Variants in USB1 observed in about 807,000 individuals in gnomAD.
USB1 encodes U6 snRNA biogenesis phosphodiesterase 1.
Under a neutral mutation model 29.9 loss-of-function variants are expected in USB1, and 21 were observed. The observed-to-expected ratio is 0.70, with a 90% CI of 0.50 to 1.01. The LOEUF (loss-of-function observed/expected upper bound fraction) is 1.01. USB1 is among the 50% of genes least tolerant of loss of function. The probability of loss-of-function intolerance (pLI) is 0.00; values close to 1 mark genes in which losing one functional copy is unlikely to be tolerated. For synonymous variants in USB1, 143 were observed against 134.9 expected (o/e 1.06, Z -0.42); for missense variants, 330 against 347.1 (o/e 0.95, Z 0.39).
chr16:58,007,839 C>T (rs938012673), intron 2 of USB1, among the ~76,000 whole-genome samples: 1 of 152,014 alleles, frequency 6.6e-6, no homozygotes, highest in African/African-American at 2.4e-5. Context: ...AAAAATTAGC[C>T]ATGCTTGGTG....
chr16:58,005,555 T>C (rs1450282124), intron 2 of USB1, among the ~76,000 whole-genome samples: 1 of 152,198 alleles, frequency 6.6e-6, no homozygotes, highest in Non-Finnish European at 1.5e-5. Flanking sequence ...GTTATGATTA[T>C]AGAGCGAGGA....
intron 1 of USB1, among the ~76,000 whole-genome samples, chr16:58,001,883 C>G (rs954333718): frequency 6.6e-6 from 1 of 152,194 alleles, no homozygotes; most frequent in East Asian, 1.9e-4. Context: ...GGTCCGTTTC[C>G]TGATTTGAAT....
At chr16:58,005,682 A>C (rs139830057) in intron 2 of USB1, among the ~76,000 whole-genome samples, 1,585 of 152,256 alleles carry the variant, frequency 0.01, 14 homozygotes, top group Admixed American at 0.022. Context: ...ATATTTTATT[A>C]TACTGGAACA....
chr16:58,011,400 C>G, intron 3 of USB1: 1 of 1,178,668 alleles, frequency 8.5e-7, no homozygotes. Context: ...CTTTTTTTTT[C>G]CCCTTACCTA....
Position 58,002,296 on chromosome 16 carries a change from T to G in USB1, c.99-183T>G, listed in dbSNP as rs114801960. Among the ~76,000 whole-genome samples, 1,386 of 152,212 alleles carry G rather than the reference T, an allele frequency of 9.1e-3. 26 individuals are homozygous for G. Among genetic ancestry groups the G allele is most frequent in the African/African-American group, 0.031 (1,306 of 41,522 alleles). On this transcript the variant is annotated intron_variant, in intron 1 of 6. Coordinates refer to ENST00000219281, the MANE Select transcript of USB1 (RefSeq NM_024598.4). ...CCATGGGGACCTTGTGCCCCAGAGTTGGAGACCCCAATGAGACAATACTGG... is the reference window on the plus strand; with the variant it reads ...CCATGGGGACCTTGTGCCCCAGAGTGGGAGACCCCAATGAGACAATACTGG...
chr16:58,012,802 C>A, intron 3 of USB1: 3 of 1,000,376 alleles, frequency 3.0e-6, no homozygotes, highest in Non-Finnish European at 3.6e-6. Context: ...ACAGCATGAA[C>A]TGCACCCCTC....
chr16:58,019,545 G>A (rs1016451305), intron 6 of USB1, among the ~76,000 whole-genome samples: 2 of 152,160 alleles, frequency 1.3e-5, no homozygotes, highest in Non-Finnish European at 2.9e-5. Flanking sequence ...TCCCATCTGC[G>A]CCCTTGGAGG....
chr16:58,008,758 C>T (rs1395592749), intron 2 of USB1, among the ~76,000 whole-genome samples: 1 of 152,140 alleles, frequency 6.6e-6, no homozygotes, highest in African/African-American at 2.4e-5. Flanking sequence ...CGGCCTAGAT[C>T]TTCTTTTCTA....
Position 58,020,621 on chromosome 16 carries a change from CCTCTCTCTTCCTCTCCT to C in USB1, c.*400_*416del, listed in dbSNP as rs1268845885. On this transcript the variant is annotated 3_prime_UTR_variant, in exon 7 of 7. Transcript: ENST00000219281. ...CTACCCCTCCTGTCTCTCCTCCCCT[CCTCTCTCTTCCTCTCCT>C]CTCTCTCTTCCTCTCCTCTCTCTTC... 3.5e-4 allele frequency: 114 copies of C among 322,940 alleles called. No individual in the cohort carries two copies. Among genetic ancestry groups the C allele is most frequent in the African/African-American group, 1.8e-3 (78 of 43,244 alleles). 20.0% of individuals were successfully genotyped at this position (322,940 alleles called of 1,614,324 possible). A position where few individuals can be genotyped will look rare whatever the true frequency, so the allele number is the denominator to read the frequency against.
intron 4 of USB1, chr16:58,015,432 A>G (rs142848303): frequency 9.8e-5 from 15 of 152,316 alleles, no homozygotes; most frequent in African/African-American, 3.1e-4. Context: ...TGTCTGATGC[A>G]CTCACTGGGC....
chr16:58,016,903 T>A (rs1963628854), intron 4 of USB1: 4 of 216,310 alleles, frequency 1.8e-5, no homozygotes, highest in Admixed American at 5.5e-5. Flanking sequence ...CAGGGGAGAG[T>A]TTTTAAAGAT....
intron 5 of USB1, 140 bp downstream of exon 5, chr16:58,017,579 G>T: frequency 1.3e-6 from 1 of 782,184 alleles, no homozygotes; most frequent in South Asian, 1.5e-5. Context: ...GCCTTCTGAG[G>T]ATGCACACCT....
chr16:58,000,099 C>G (rs42218), upstream of USB1, among the ~76,000 whole-genome samples: 1 of 152,178 alleles, frequency 6.6e-6, no homozygotes, highest in Non-Finnish European at 1.5e-5. This position sits in a 1 kb window ranked among gnomAD's most constrained non-coding sequence, Gnocchi z 4.5. Context: ...CCGATCACCT[C>G]CCGCCGGCCC....
In USB1 at chr16:58,005,377, C is replaced by T. The variant is rs1277381163; in HGVS notation, c.265+2732C>T. Among the ~76,000 whole-genome samples the T allele has an allele frequency of 2.6e-5, 4 of 152,110 alleles. No individual in the cohort carries two copies. In the East Asian group the frequency reaches 7.8e-4, roughly 29 times the overall value. ...TGGCACTGACGCTACCGTTAGACCA[C>T]GGTCCACTTGGCAATGGGCATCTTC... On this transcript the variant is annotated intron_variant, in intron 2 of 6. Transcript: ENST00000219281.
chr16:58,007,095 T>C (rs1237954751), intron 2 of USB1, among the ~76,000 whole-genome samples: 1 of 152,252 alleles, frequency 6.6e-6, no homozygotes, highest in African/African-American at 2.4e-5. Context: ...ATTCTCTTTA[T>C]ATGTTGTTGT....
rs1963534206 is a variant in USB1, at chr16:58,013,017, G to A, written c.450-1256G>A. On this transcript the variant is annotated intron_variant, in intron 3 of 6. Coordinates refer to ENST00000219281, the MANE Select transcript of USB1 (RefSeq NM_024598.4). The surrounding 1 kb of genome is among the most constrained non-coding windows in gnomAD (Gnocchi z 4.3). The stretch of plus-strand genomic sequence containing the variant: ...CCTGGGCTGGTTCCCTCTGAGGAAA[G>A]GATCTGTGTCATGAGTGAAGCCCGG... 2 of 985,604 alleles carry A rather than the reference G, an allele frequency of 2.0e-6. No homozygotes were observed. The highest frequency in any genetic ancestry group is 1.7e-5 in the African/African-American group (1 of 57,254). 61.1% of individuals were successfully genotyped at this position (985,604 alleles called of 1,614,324 possible).
chr16:58,000,980 G>A (rs562745204), upstream of USB1, among the ~76,000 whole-genome samples: 5 of 152,232 alleles, frequency 3.3e-5, no homozygotes, highest in Admixed American at 3.3e-4. The surrounding 1 kb of genome is among the most constrained non-coding windows in gnomAD (Gnocchi z 4.5). Context: ...CCTCCTAGAG[G>A]CTCTGGTCTG....
intron 4 of USB1, among the ~76,000 whole-genome samples, 167 bp downstream of exon 4, chr16:58,014,493 C>G (rs1963570535): frequency 6.6e-6 from 1 of 152,226 alleles, no homozygotes; most frequent in African/African-American, 2.4e-5. Context: ...AGAAAAATAA[C>G]TGGGAGATCC....
intron 3 of USB1, chr16:58,012,193 C>T: frequency 1.3e-6 from 2 of 1,483,448 alleles, no homozygotes; most frequent in Non-Finnish European, 1.8e-6. Context: ...GGATTTGTCC[C>T]AATCCAGACA....
Sources: gnomAD v4.1 joint callset for allele counts (sites outside exome capture counted in the v4.1 genomes callset) on GRCh38, gnomAD v4.1.1 for gene constraint, Gnocchi (gnomAD v3.1) non-coding constraint, MANE v1.5 for transcripts, NCBI Gene and HGNC (gene_info 2026-07-23, HGNC 2026-07-21) for gene names.